Variants in NUP93 observed in about 807,000 individuals in gnomAD.
The protein encoded by NUP93 is nucleoporin 93.
NUP93 carries 55 observed loss-of-function variants against 107.8 expected under a neutral mutation model. The ratio of observed to expected loss-of-function variants is 0.51; its 90% CI spans 0.41 to 0.64. NUP93 has a LOEUF of 0.64. Ranked by LOEUF, NUP93 falls within the 30% of genes least tolerant of loss-of-function variation. NUP93 has a pLI of 0.00. For synonymous variants in NUP93, 390 were observed against 397.5 expected (o/e 0.98, Z 0.22); for missense variants, 937 against 1,044.7 (o/e 0.90, Z 1.42).
At chr16:56,758,511 A>G (rs1962068239) in intron 2 of NUP93, 27 bp from the exon 3 acceptor site, 3 of 1,538,444 alleles carry the variant, frequency 2.0e-6, no homozygotes, top group South Asian at 1.1e-5. Context: ...CCTTACTTAT[A>G]TCTCCCTATT....
intron 3 of NUP93, among the ~76,000 whole-genome samples, chr16:56,762,644 A>G (rs1026575980): frequency 9.2e-5 from 14 of 152,214 alleles, no homozygotes; most frequent in South Asian, 2.1e-4. Context: ...CAAACTTACT[A>G]TATTAAATTC....
intron 5 of NUP93, among the ~76,000 whole-genome samples, chr16:56,817,433 GT>G (rs1276918260): frequency 6.6e-6 from 1 of 152,050 alleles, no homozygotes; most frequent in Non-Finnish European, 1.5e-5. Context: ...TTCCCCATTG[GT>G]TTCACAGAAA....
At position 56,846,571 on chromosome 16, in the gene NUP93, A is replaced by C. The variant is rs1185952532; in HGVS notation, c.*1962A>C. The C allele has an allele frequency of 6.6e-6, 1 of 152,128 alleles. No individual in the cohort carries two copies. The highest frequency in any genetic ancestry group is 1.5e-5 in the Non-Finnish European group (1 of 68,068). 9.4% of individuals were successfully genotyped at this position (152,128 alleles called of 1,614,324 possible). A position where few individuals can be genotyped will look rare whatever the true frequency, so the allele number is the denominator to read the frequency against. ...CTAAAAATACAAAAATCAGCTGGGC[A>C]TGGTGGCAGGCGCCTGTAATCCCAG... On this transcript the variant is annotated 3_prime_UTR_variant, in exon 22 of 22. Transcript: ENST00000308159.
chr16:56,775,093 G>T (rs1310710316), intron 3 of NUP93, among the ~76,000 whole-genome samples: 1 of 151,898 alleles, frequency 6.6e-6, no homozygotes, highest in Admixed American at 6.6e-5. Flanking sequence ...TAGAGATGGG[G>T]TTTCACCATG....
chr16:56,775,090 G>A (rs1962392052), intron 3 of NUP93, among the ~76,000 whole-genome samples: 2 of 151,804 alleles, frequency 1.3e-5, no homozygotes, highest in African/African-American at 4.8e-5. Flanking sequence ...TGTTAGAGAT[G>A]GGGTTTCACC....
intron 1 of NUP93, among the ~76,000 whole-genome samples, chr16:56,740,135 A>G (rs1233859809): frequency 7.7e-6 from 1 of 130,524 alleles, no homozygotes; most frequent in African/African-American, 3.1e-5. Flanking sequence ...TGACCCCCCC[A>G]CCTCCCTCCC....
Position 56,801,118 on chromosome 16 carries a change from A to G in NUP93, c.360+2580A>G, listed in dbSNP as rs140078813. 1.2e-3 allele frequency among the ~76,000 whole-genome samples: 177 copies of G among 151,860 alleles called. 1 individual carries two copies. Among genetic ancestry groups the G allele is most frequent in the Non-Finnish European group, 2.1e-3 (142 of 67,958 alleles). The stretch of plus-strand genomic sequence containing the variant: ...AGTTTATCCTTTTTCTTGTCTATTG[A>G]GTTTCTTCTTATCACTGCTTCCCAC... On this transcript the variant is annotated intron_variant, in intron 4 of 21. Coordinates refer to ENST00000308159, the MANE Select transcript of NUP93 (RefSeq NM_014669.5).
At chr16:56,838,812 G>A (rs767598710) in intron 18 of NUP93, 140 bp from the exon 19 acceptor site, 141 of 669,260 alleles carry the variant, frequency 2.1e-4, no homozygotes, top group Middle Eastern at 2.6e-4. Context: ...CAATCCTTCC[G>A]CCCCAGCCTC....
intron 1 of NUP93, among the ~76,000 whole-genome samples, chr16:56,739,667 G>A (rs1187142455): frequency 8.3e-3 from 651 of 77,972 alleles, no homozygotes; most frequent in African/African-American, 0.013. Context: ...CTGGCCGGGC[G>A]GAGGGCTGAC....
At position 56,831,994 on chromosome 16, in the gene NUP93, A is replaced by T. The variant is rs1167564416; in HGVS notation, c.1238A>T (p.Tyr413Phe). ...QSEVADKTED[Y>F]LWLKLNQVCF... The stretch of plus-strand genomic sequence containing the variant: ...GAAGTGGCGGACAAAACTGAGGATT[A>T]CCTGTGGCTGAAGGTAGGCACTGTT... The change falls in exon 11 of 22, where the codon TAC becomes TTC. Residue 413 changes from tyrosine to phenylalanine, a missense_variant. Transcript: ENST00000308159. 5.6e-6 allele frequency: 9 copies of T among 1,614,036 alleles called. No individual in the cohort carries two copies. Among genetic ancestry groups the T allele is most frequent in the Non-Finnish European group, 7.6e-6 (9 of 1,179,992 alleles).
In NUP93 at chr16:56,774,445, T is replaced by C. The variant is rs191990292; in HGVS notation, c.297+15790T>C. ...CCCCCCACCCCCACCATTAAATGTG[T>C]GCTAGAGATCTTGGGTCTACTGTTA... On this transcript the variant is annotated intron_variant, in intron 3 of 21. Transcript: ENST00000308159. Among the ~76,000 whole-genome samples, 515 of 152,048 alleles carry C rather than the reference T, an allele frequency of 3.4e-3. 3 individuals are homozygous for C. Among genetic ancestry groups the C allele is most frequent in the African/African-American group, 0.011 (468 of 41,442 alleles).
At chr16:56,754,324 G>A (rs1355613926) in intron 2 of NUP93, among the ~76,000 whole-genome samples, 1 of 152,084 alleles carries the variant, frequency 6.6e-6, no homozygotes, top group African/African-American at 2.4e-5. Flanking sequence ...TCCACACCTA[G>A]CCCCTCCCAA....
intron 3 of NUP93, among the ~76,000 whole-genome samples, chr16:56,759,129 G>C (rs772089484): frequency 2.0e-5 from 3 of 152,182 alleles, no homozygotes; most frequent in Non-Finnish European, 4.4e-5. Flanking sequence ...GGCTGCATTA[G>C]TGGCACCAGG....
At chr16:56,730,847 C>G (rs1961523115) in intron 1 of NUP93, among the ~76,000 whole-genome samples, 1 of 152,186 alleles carries the variant, frequency 6.6e-6, no homozygotes, top group Admixed American at 6.5e-5. Flanking sequence ...CCCATGGGTC[C>G]TTGGTGAAAG....
intron 8 of NUP93, among the ~76,000 whole-genome samples, chr16:56,824,469 A>T (rs1382314902): frequency 4.6e-5 from 7 of 151,762 alleles, no homozygotes; most frequent in Admixed American, 3.9e-4. Context: ...CCCTGTGGAC[A>T]CTCCTTCCAA....
intron 5 of NUP93, among the ~76,000 whole-genome samples, chr16:56,816,689 C>T (rs1242108281): frequency 1.3e-5 from 2 of 152,100 alleles, no homozygotes; most frequent in South Asian, 2.1e-4. Flanking sequence ...TAGGGTGTGC[C>T]ATTCCTTGAT....
At chr16:56,794,863 G>C (rs1235132975) in intron 3 of NUP93, among the ~76,000 whole-genome samples, 7 of 148,740 alleles carry the variant, frequency 4.7e-5, no homozygotes, top group Non-Finnish European at 1.0e-4. Context: ...GGGAGGTGGA[G>C]CTTGCAGTGA....
chr16:56,753,801 C>A (rs750466068), intron 2 of NUP93, among the ~76,000 whole-genome samples: 9 of 152,088 alleles, frequency 5.9e-5, no homozygotes, highest in Non-Finnish European at 1.0e-4. Flanking sequence ...ATTTGGATTT[C>A]ATTTAAACAA....
intron 5 of NUP93, 82 bp from the exon 6 acceptor site, chr16:56,818,582 G>A (rs531016000): frequency 9.1e-7 from 1 of 1,104,848 alleles, no homozygotes; most frequent in Non-Finnish European, 1.4e-6. Flanking sequence ...TTAAAGACAA[G>A]AATATGTTTA....
Sources: allele counts gnomAD v4.1 joint callset (sites outside exome capture counted in the v4.1 genomes callset), GRCh38; gene constraint gnomAD v4.1.1; transcripts MANE v1.5; gene names NCBI Gene and HGNC (gene_info 2026-07-23, HGNC 2026-07-21).